ZNF750: variants seen among roughly 807,000 people sequenced by gnomAD.
The protein encoded by ZNF750 is protein ZNF750.
Under a neutral mutation model 31.6 loss-of-function variants are expected in ZNF750, and 10 were observed. The observed-to-expected ratio is 0.32, with a 90% CI of 0.19 to 0.54. ZNF750 has a LOEUF of 0.54. Ranked by LOEUF, ZNF750 falls within the 20% of genes least tolerant of loss-of-function variation. ZNF750 has a pLI of 0.95. For synonymous variants in ZNF750, 400 were observed against 404.9 expected, an observed-to-expected ratio of 0.99 and a Z score of 0.15; for missense variants, 914 against 934.9, an observed-to-expected ratio of 0.98 and a Z score of 0.29.
At chr17:82,834,635 C>T (rs2053810279) in intron 1 of ZNF750, among the ~76,000 whole-genome samples, 2 of 150,708 alleles carry the variant, frequency 1.3e-5, no homozygotes, top group Admixed American at 1.3e-4. Context: ...ACCAAACGTG[C>T]ATGGTCTCAC....
At position 82,832,716 on chromosome 17, in the gene ZNF750, A is replaced by G. The variant is rs777175850; in HGVS notation, c.-182-80T>C. Reference sequence around the variant, plus strand: ...GCCGGCCTCGGCTCGCCACAGTGCCACAGGATCCCTGAAGCAGAACCCCTG... The same window carrying G: ...GCCGGCCTCGGCTCGCCACAGTGCCGCAGGATCCCTGAAGCAGAACCCCTG... On this transcript the variant is annotated intron_variant, in intron 1 of 2. Transcript: ENST00000269394. This position sits in a 1 kb window ranked among gnomAD's most constrained non-coding sequence, Gnocchi z 4.9. The G allele has an allele frequency of 1.5e-5, 8 of 533,766 alleles. No individual in the cohort carries two copies. The highest frequency in any genetic ancestry group is 1.2e-4 in the South Asian group (6 of 48,654). 33.1% of individuals were successfully genotyped at this position (533,766 alleles called of 1,614,324 possible).
chr17:82,835,954 G>A lies in ZNF750; in HGVS notation c.-182-3318C>T, dbSNP rs141011343. ...TTACCCTACAACCAGGGAGGGTGTC[G>A]GGTGACACCCTGGGCTCAGACCCCG... On this transcript the variant is annotated intron_variant, in intron 1 of 2. Coordinates refer to ENST00000269394, the MANE Select transcript of ZNF750 (RefSeq NM_024702.3). This position sits in a 1 kb window ranked among gnomAD's most constrained non-coding sequence, Gnocchi z 4.5. Among the ~76,000 whole-genome samples the A allele has an allele frequency of 3.9e-5, 6 of 152,274 alleles. No individual in the cohort carries two copies. The highest frequency in any genetic ancestry group is 2.1e-4 in the South Asian group (1 of 4,832).
In ZNF750 at chr17:82,832,470, T is replaced by G. The variant is rs1334554313; in HGVS notation, c.-16A>C. 5 of 1,603,528 alleles carry G rather than the reference T, an allele frequency of 3.1e-6. No individual in the cohort carries two copies. Among genetic ancestry groups the G allele is most frequent in the African/African-American group, 1.3e-5 (1 of 74,896 alleles). ...GGAGACTCATTTTCCTCCTTATGCC[T>G]TGGACTCTGGCTGTCCAGGTGGCGT... On this transcript the variant is annotated 5_prime_UTR_variant, in exon 2 of 3. Transcript: ENST00000269394. The surrounding 1 kb of genome is among the most constrained non-coding windows in gnomAD (Gnocchi z 4.9).
rs79998409 is a variant in ZNF750 at position 82,832,991 on chromosome 17, C to T, written c.-182-355G>A. Among the ~76,000 whole-genome samples the T allele has an allele frequency of 0.022, 3,363 of 152,202 alleles. 142 individuals carry two copies. Among genetic ancestry groups the T allele is most frequent in the African/African-American group, 0.076 (3,173 of 41,498 alleles). ...TGTGACCTGGACCTTTCCTCGAAAG[C>T]GCCCTGCCGGGGGCTGAGGACACCG... is the stretch of plus-strand genomic sequence containing the variant. On this transcript the variant is annotated intron_variant, in intron 1 of 2. Coordinates refer to ENST00000269394, the MANE Select transcript of ZNF750 (RefSeq NM_024702.3). This position sits in a 1 kb window ranked among gnomAD's most constrained non-coding sequence, Gnocchi z 4.9.
intron 1 of ZNF750, among the ~76,000 whole-genome samples, chr17:82,838,301 T>C (rs897567719): frequency 6.6e-6 from 1 of 151,754 alleles, no homozygotes; most frequent in African/African-American, 2.4e-5. Context: ...CTAAGGAGTT[T>C]GAACTTTGAA....
At chr17:82,838,564 C>A in intron 1 of ZNF750, 1 of 788,388 alleles carries the variant, frequency 1.3e-6, no homozygotes, top group Non-Finnish European at 1.5e-6. Context: ...GGCGTTGTTG[C>A]ATAACTCAAG....
In ZNF750 at chr17:82,831,459, A is replaced by C; in HGVS notation, c.996T>G (p.Gly332=). Residue 332 remains glycine, a synonymous_variant, in exon 2 of 3, where the codon GGT becomes GGG. Transcript: ENST00000269394. The surrounding 1 kb of genome is among the most constrained non-coding windows in gnomAD (Gnocchi z 4.6). ...YRPESAFSSY[G]LRLPPVTGLT... The stretch of plus-strand genomic sequence containing the variant: ...GGCCAGTGACAGGTGGGAGTCTGAG[A>C]CCATAGGAGGAAAATGCAGACTCTG... 6.2e-7 allele frequency: 1 copy of C among 1,614,114 alleles called. No individual in the cohort carries two copies. The highest frequency in any genetic ancestry group is 8.5e-7 in the Non-Finnish European group (1 of 1,180,004).
At position 82,830,579 on chromosome 17, in the gene ZNF750, C is replaced by G; in HGVS notation, c.1735G>C (p.Ala579Pro). 1 of 1,614,054 alleles carries G rather than the reference C, an allele frequency of 6.2e-7. No homozygotes were observed. The highest frequency in any genetic ancestry group is 8.5e-7 in the Non-Finnish European group (1 of 1,179,996). The change falls in exon 3 of 3, where the codon GCT becomes CCT. Residue 579 changes from alanine (A) to proline (P), a missense_variant. Coordinates refer to ENST00000269394, the MANE Select transcript of ZNF750 (RefSeq NM_024702.3). Reference protein sequence around the residue: ...PGRPRAAEPAAAVPQKTGTEG... With the variant: ...PGRPRAAEPAPAVPQKTGTEG... ...GTCCCAGTCTTCTGTGGAACAGCAG[C>G]AGCAGGTTCTGCAGCTCGTGGTCGA...
rs906514758 is a variant in ZNF750 at position 82,835,531 on chromosome 17, T to G, written c.-182-2895A>C. On this transcript the variant is annotated intron_variant, in intron 1 of 2. Transcript: ENST00000269394. This position sits in a 1 kb window ranked among gnomAD's most constrained non-coding sequence, Gnocchi z 4.5. ...TCTGCCTCCTGGGTTCAAGAGATTC[T>G]CCTGCCTCAGCCTCCCTAGTAGCTG... is the stretch of plus-strand genomic sequence containing the variant. Among the ~76,000 whole-genome samples, 2 of 152,186 alleles carry G rather than the reference T, an allele frequency of 1.3e-5. No homozygotes were observed. The highest frequency in any genetic ancestry group is 4.8e-5 in the African/African-American group (2 of 41,442).
Position 82,829,992 on chromosome 17 carries a change from GTTT to G in ZNF750, c.*147_*149del, listed in dbSNP as rs893095395. On this transcript the variant is annotated 3_prime_UTR_variant, in exon 3 of 3. Coordinates refer to ENST00000269394, the MANE Select transcript of ZNF750 (RefSeq NM_024702.3). ...ATATTTATAAAAACTGAATTGGAGGGTTTTTTGTTTGTTTGTTTGTTTGTTTTT... is the reference window on the plus strand; with the variant it reads ...ATATTTATAAAAACTGAATTGGAGGGTTTGTTTGTTTGTTTGTTTGTTTTT... 1 of 1,253,262 alleles carries G rather than the reference GTTT, an allele frequency of 8.0e-7. No homozygotes were observed. The highest frequency in any genetic ancestry group is 1.1e-6 in the Non-Finnish European group (1 of 917,560). 77.6% of individuals were successfully genotyped at this position (1,253,262 alleles called of 1,614,324 possible). A position where few individuals can be genotyped will look rare whatever the true frequency, so the allele number is the denominator to read the frequency against.
Position 82,831,488 on chromosome 17 carries a change from T to G in ZNF750, c.967A>C (p.Arg323=), listed in dbSNP as rs765631816. Reference sequence around the variant, plus strand: ...TAGGAGGAAAATGCAGACTCTGGCCTGTAAAATCCGTAAGGAATCGGCAGG... The same window carrying G: ...TAGGAGGAAAATGCAGACTCTGGCCGGTAAAATCCGTAAGGAATCGGCAGG... ...SNLPIPYGFY[R]PESAFSSYGL... The change falls in exon 2 of 3, where the codon AGG becomes CGG. Residue 323 remains arginine, a synonymous_variant. Transcript: ENST00000269394. The surrounding 1 kb of genome is among the most constrained non-coding windows in gnomAD (Gnocchi z 4.6). The G allele has an allele frequency of 1.2e-6, 2 of 1,614,150 alleles. No homozygotes were observed. The highest frequency in any genetic ancestry group is 2.2e-5 in the South Asian group (2 of 91,078).
chr17:82,835,521 CAAGAGATT>C lies in ZNF750; in HGVS notation c.-182-2893_-182-2886del, dbSNP rs1344478022. Among the ~76,000 whole-genome samples the C allele has an allele frequency of 6.6e-6, 1 of 152,154 alleles. No homozygotes were observed. The highest frequency in any genetic ancestry group is 1.5e-5 in the Non-Finnish European group (1 of 68,028). ...CACTGCAACCTCTGCCTCCTGGGTTCAAGAGATTCTCCTGCCTCAGCCTCCCTAGTAGC... is the reference window on the plus strand; with the variant it reads ...CACTGCAACCTCTGCCTCCTGGGTTCCTCCTGCCTCAGCCTCCCTAGTAGC... On this transcript the variant is annotated intron_variant, in intron 1 of 2. Coordinates refer to ENST00000269394, the MANE Select transcript of ZNF750 (RefSeq NM_024702.3). The surrounding 1 kb of genome is among the most constrained non-coding windows in gnomAD (Gnocchi z 4.5).
At position 82,833,191 on chromosome 17, in the gene ZNF750, T is replaced by G. The variant is rs1007261749; in HGVS notation, c.-182-555A>C. Among the ~76,000 whole-genome samples the G allele has an allele frequency of 6.6e-6, 1 of 152,154 alleles. No individual in the cohort carries two copies. The highest frequency in any genetic ancestry group is 3.4e-3 in the Middle Eastern group (1 of 292). ...CACAGTCACAGAGTGCCCCTCACTT[T>G]TACACAGAGCGTGGGCTGGCCACCG... is the stretch of plus-strand genomic sequence containing the variant. On this transcript the variant is annotated intron_variant, in intron 1 of 2. Transcript: ENST00000269394. The surrounding 1 kb of genome is among the most constrained non-coding windows in gnomAD (Gnocchi z 4.7).
Position 82,831,139 on chromosome 17 carries a change from G to C in ZNF750, c.1316C>G (p.Ser439Cys), listed in dbSNP as rs2053471111. 1.2e-6 allele frequency: 2 copies of C among 1,614,066 alleles called. No individual in the cohort carries two copies. The highest frequency in any genetic ancestry group is 2.7e-5 in the African/African-American group (2 of 74,918). The change falls in exon 2 of 3, where the codon TCC becomes TGC. Residue 439 changes from serine to cysteine, a missense_variant. Ser to Cys is a moderately radical substitution (Grantham distance 112). Transcript: ENST00000269394. The surrounding 1 kb of genome is among the most constrained non-coding windows in gnomAD (Gnocchi z 4.6). ...GLYDLSNKAA[S>C]SALGRLYPPE... ...CGGGTAGAGTCTTCCCAGTGCGCTG[G>C]AGGCTGCCTTGTTGGAGAGGTCGTA... is the stretch of plus-strand genomic sequence containing the variant.
At position 82,839,913 on chromosome 17, in the gene ZNF750, TAGTG is replaced by T. The variant is rs764462287; in HGVS notation, c.-183+10_-183+13del. 2 of 152,266 alleles carry T rather than the reference TAGTG, an allele frequency of 1.3e-5. No homozygotes were observed. Among genetic ancestry groups the T allele is most frequent in the Non-Finnish European group, 2.9e-5 (2 of 68,024 alleles). The allele number at this position is 152,266 out of a possible 1,614,324, so 9.4% of individuals were successfully genotyped here. A position where few individuals can be genotyped will look rare whatever the true frequency, so the allele number is the denominator to read the frequency against. On this transcript the variant is annotated intron_variant, in intron 1 of 2. Coordinates refer to ENST00000269394, the MANE Select transcript of ZNF750 (RefSeq NM_024702.3). ...AATAAAACTTGAATTTGAAAAGAAATAGTGAGTACTTACCAGAGGTGGGCAGTGC... is the reference window on the plus strand; with the variant it reads ...AATAAAACTTGAATTTGAAAAGAAATAGTACTTACCAGAGGTGGGCAGTGC...
Position 82,831,568 on chromosome 17 carries a change from G to A in ZNF750, c.887C>T (p.Ala296Val). Residue 296 changes from alanine to valine, a missense_variant, in exon 2 of 3, where the codon GCT becomes GTT. By Grantham distance (64) the Ala-to-Val change is moderately conservative. Around this residue, in one of 2 missense-constraint regions of ZNF750, gnomAD observed 880 missense variants for 868.9 expected, o/e 1.01. Transcript: ENST00000269394. The surrounding 1 kb of genome is among the most constrained non-coding windows in gnomAD (Gnocchi z 4.6). The stretch of plus-strand genomic sequence containing the variant: ...GTGATCGTATGTGGCTGGAGATGGA[G>A]CCAGGTGCTTAGGGATCGGCCCCGG... ...PHPGPIPKHL[A>V]PSPATYDHYR... The A allele has an allele frequency of 6.2e-7, 1 of 1,614,200 alleles. No individual in the cohort carries two copies. The highest frequency in any genetic ancestry group is 1.7e-5 in the Admixed American group (1 of 60,030).
chr17:82,830,809 G>A lies in ZNF750; in HGVS notation c.1505C>T (p.Pro502Leu). 1 of 1,613,504 alleles carries A rather than the reference G, an allele frequency of 6.2e-7. No homozygotes were observed. Among genetic ancestry groups the A allele is most frequent in the African/African-American group, 1.3e-5 (1 of 75,050 alleles). ...CCCGGAGCTGTCGTCCGGACTGGAA[G>A]GCGCGGCCTCCGAGACGAGAGAGGC... ...GSASLVSEAA[P>L]SSPDDSSGMG... The change falls in exon 3 of 3, where the codon CCT (proline) becomes CTT (leucine). Residue 502 changes from proline to leucine, a missense_variant. By Grantham distance (98) the Pro-to-Leu change is moderately conservative. This residue lies in a region of ZNF750 where 880 missense variants were observed against 868.9 expected (regional missense o/e 1.01). Coordinates refer to ENST00000269394, the MANE Select transcript of ZNF750 (RefSeq NM_024702.3).
intron 1 of ZNF750, chr17:82,838,551 T>G: frequency 3.1e-6 from 2 of 649,088 alleles, no homozygotes; most frequent in Non-Finnish European, 3.8e-6. Flanking sequence ...AATATTGTGA[T>G]GTGGCGTTGT....
chr17:82,833,220 A>G lies in ZNF750; in HGVS notation c.-182-584T>C, dbSNP rs10163502. Among the ~76,000 whole-genome samples the G allele has an allele frequency of 0.36, 54,112 of 151,826 alleles. 9,939 individuals carry two copies. The highest frequency in any genetic ancestry group is 0.43 in the Middle Eastern group (124 of 290). On this transcript the variant is annotated intron_variant, in intron 1 of 2. Coordinates refer to ENST00000269394, the MANE Select transcript of ZNF750 (RefSeq NM_024702.3). The surrounding 1 kb of genome is among the most constrained non-coding windows in gnomAD (Gnocchi z 4.7). ...ACAGAGCGTGGGCTGGCCACCGTCT[A>G]CTTGCTCCTACCTGCTGGCTGGGAG...
Sources: allele counts gnomAD v4.1 joint callset (sites outside exome capture counted in the v4.1 genomes callset), GRCh38; gene constraint gnomAD v4.1.1; regional missense constraint gnomAD v4.1.1; non-coding constraint Gnocchi (gnomAD v3.1); transcripts MANE v1.5; gene names NCBI Gene and HGNC (gene_info 2026-07-23, HGNC 2026-07-21).